DGKI: variants seen among roughly 807,000 people sequenced by gnomAD.
DGKI encodes the protein diacylglycerol kinase iota.
DGKI carries 55 observed loss-of-function variants against 147.5 expected under a neutral mutation model. The ratio of observed to expected loss-of-function variants is 0.37; its 90% CI spans 0.30 to 0.47. The LOEUF (loss-of-function observed/expected upper bound fraction) is 0.47. Among genes scored for constraint, DGKI ranks in the 20% least tolerant of loss-of-function variants. The pLI is 1.00. For synonymous variants in DGKI, 469 were observed against 477.1 expected (o/e 0.98, Z 0.22); for missense variants, 1,007 against 1,323.8 (o/e 0.76, Z 3.71).
rs1321471416 is a variant in DGKI, at chr7:137,571,536, T to C, written c.1836-250A>G. The stretch of plus-strand genomic sequence containing the variant: ...CAACTTTCTCCTCGTTCGTTATCTA[T>C]ATTTCTCACTATGATTCATGTATGT... On this transcript the variant is annotated intron_variant, in intron 18 of 32. Coordinates refer to ENST00000614521, the MANE Select transcript of DGKI (RefSeq NM_001321708.2). 3.3e-5 allele frequency among the ~76,000 whole-genome samples: 5 copies of C among 152,252 alleles called. No homozygotes were observed. The South Asian group carries it at 8.3e-4, about 25-fold the overall frequency.
intron 6 of DGKI, among the ~76,000 whole-genome samples, chr7:137,638,473 T>C (rs866002048): frequency 8.1e-6 from 1 of 123,110 alleles, no homozygotes; most frequent in Non-Finnish European, 1.6e-5. Context: ...TGTGTATATA[T>C]GTGTGTATAT....
intron 1 of DGKI, among the ~76,000 whole-genome samples, chr7:137,767,471 GGAAGAGAAGAGAAGAGAAGAGAAGA>G (rs71177920): frequency 3.3e-4 from 30 of 89,658 alleles, no homozygotes; most frequent in Middle Eastern, 6.3e-3. Context: ...AGAAGAGAAG[GGAAGAGAAGAGAAGAGAAGAGAAGA>G]GAAGAGAAGA....
At chr7:137,643,636 G>A (rs979286052) in intron 6 of DGKI, among the ~76,000 whole-genome samples, 3 of 152,150 alleles carry the variant, frequency 2.0e-5, no homozygotes, top group African/African-American at 4.8e-5. Flanking sequence ...GACGACGGAC[G>A]TGCAGCGAGC....
At chr7:137,511,008 G>C (rs550655707) in intron 21 of DGKI, among the ~76,000 whole-genome samples, 1 of 152,140 alleles carries the variant, frequency 6.6e-6, no homozygotes, top group African/African-American at 2.4e-5. Flanking sequence ...AAACCCACTC[G>C]GTACTGAGAA....
intron 1 of DGKI, among the ~76,000 whole-genome samples, chr7:137,783,275 T>C (rs532084681): frequency 6.6e-6 from 1 of 152,190 alleles, no homozygotes; most frequent in African/African-American, 2.4e-5. Context: ...ATAGACTGCA[T>C]AAATAAGAAA....
intron 20 of DGKI, among the ~76,000 whole-genome samples, chr7:137,527,086 T>C (rs373896246): frequency 3.7e-4 from 56 of 152,232 alleles, no homozygotes; most frequent in East Asian, 3.3e-3. Flanking sequence ...AAAATTTAGT[T>C]CCAATCTAAA....
intron 12 of DGKI, among the ~76,000 whole-genome samples, chr7:137,593,769 A>G (rs1819697098): frequency 6.6e-6 from 1 of 152,234 alleles, no homozygotes; most frequent in Admixed American, 6.5e-5. Flanking sequence ...TATATTATAA[A>G]CTAATTTCAC....
chr7:137,819,256 C>CCAGA (rs896182648), intron 1 of DGKI, among the ~76,000 whole-genome samples: 3 of 152,132 alleles, frequency 2.0e-5, no homozygotes, highest in Admixed American at 6.5e-5. Flanking sequence ...AGCTGTGTTC[C>CCAGA]CAGACCCACA....
intron 23 of DGKI, among the ~76,000 whole-genome samples, chr7:137,470,115 G>A (rs541787109): frequency 2.0e-5 from 3 of 152,130 alleles, no homozygotes; most frequent in Non-Finnish European, 4.4e-5. Flanking sequence ...AATCAACCTC[G>A]CATACTGAGG....
intron 21 of DGKI, among the ~76,000 whole-genome samples, chr7:137,503,696 G>A (rs906462623): frequency 1.3e-5 from 2 of 151,874 alleles, no homozygotes; most frequent in Non-Finnish European, 2.9e-5. Context: ...TATTTTTATT[G>A]CTCAATGAGC....
At chr7:137,477,229 A>C (rs1208531757) in intron 23 of DGKI, among the ~76,000 whole-genome samples, 2 of 152,176 alleles carry the variant, frequency 1.3e-5, no homozygotes, top group Non-Finnish European at 2.9e-5. Flanking sequence ...TGGGAATGGC[A>C]GGCAACCCCA....
chr7:137,599,791 A>G, intron 11 of DGKI, 32 bp downstream of exon 11: 1 of 1,601,840 alleles, frequency 6.2e-7, no homozygotes, highest in Non-Finnish European at 8.6e-7. Context: ...CCTAAAATAC[A>G]TATGGACCAT....
chr7:137,476,126 G>C (rs1815162452), intron 23 of DGKI, among the ~76,000 whole-genome samples: 1 of 152,080 alleles, frequency 6.6e-6, no homozygotes. Context: ...TTACATAGAG[G>C]CCAGCTGTCA....
chr7:137,787,782 A>C (rs2116913435), intron 1 of DGKI, among the ~76,000 whole-genome samples: 1 of 152,310 alleles, frequency 6.6e-6, no homozygotes. Flanking sequence ...CAGCCATGAA[A>C]AGGAATGAAA....
At chr7:137,426,217 A>T (rs1271822854) in intron 28 of DGKI, among the ~76,000 whole-genome samples, 1 of 152,218 alleles carries the variant, frequency 6.6e-6, no homozygotes, top group Non-Finnish European at 1.5e-5. Context: ...GAAACTCTAC[A>T]AGCCAGAAGA....
chr7:137,585,992 G>GT (rs1023300197), intron 13 of DGKI, among the ~76,000 whole-genome samples: 7 of 152,140 alleles, frequency 4.6e-5, no homozygotes, highest in Admixed American at 2.6e-4. Context: ...ATGTAAATAC[G>GT]TTTTTTATTT....
At chr7:137,536,703 G>T in intron 20 of DGKI, among the ~76,000 whole-genome samples, 1 of 152,150 alleles carries the variant, frequency 6.6e-6, no homozygotes, top group Admixed American at 6.5e-5. Context: ...ACAGACAAAT[G>T]CAGGGTTCCC....
At chr7:137,513,939 C>T (rs1455876749) in intron 21 of DGKI, 4 of 813,672 alleles carry the variant, frequency 4.9e-6, no homozygotes, top group East Asian at 2.7e-5. Context: ...CCAAGTAAAC[C>T]GCTAGCTTGT....
At chr7:137,823,433 C>CTT (rs1797965462) in intron 1 of DGKI, among the ~76,000 whole-genome samples, 1 of 152,192 alleles carries the variant, frequency 6.6e-6, no homozygotes, top group African/African-American at 2.4e-5. Context: ...CTCTAAATAT[C>CTT]TGACTCCCAT....
Sources: allele counts gnomAD v4.1 joint callset (sites outside exome capture counted in the v4.1 genomes callset), GRCh38; gene constraint gnomAD v4.1.1; transcripts MANE v1.5; gene names NCBI Gene and HGNC (gene_info 2026-07-23, HGNC 2026-07-21).